The following MAPT variants were observed in gnomAD, a reference collection of about 807,000 sequenced individuals.
MAPT encodes microtubule-associated protein tau.
In MAPT, 34 loss-of-function variants were observed where a neutral mutation model predicts 67.9. The ratio of observed to expected loss-of-function variants is 0.50; its 90% confidence interval spans 0.38 to 0.67. The LOEUF is 0.67. MAPT is among the 30% of genes least tolerant of loss of function. MAPT has a pLI of 0.00. For missense variants in MAPT, 881 were observed against 1,115.2 expected (o/e 0.79, Z 2.99); for synonymous variants, 456 against 464.5 (o/e 0.98, Z 0.23).
rs951345021 is a variant in MAPT at position 45,956,867 on chromosome 17, G to A, written c.-17-5454G>A. On this transcript the variant is annotated intron_variant, in intron 1 of 12. Coordinates refer to ENST00000262410, the MANE Select transcript of MAPT (RefSeq NM_001377265.1). Reference sequence around the variant, plus strand: ...CTGTGTTTGGTTTTTTTGTCCTTGCGATAGTTTGCTGAGAATGATGGTTTC... The same window carrying A: ...CTGTGTTTGGTTTTTTTGTCCTTGCAATAGTTTGCTGAGAATGATGGTTTC... Among the ~76,000 whole-genome samples, 55 of 151,138 alleles carry A rather than the reference G, an allele frequency of 3.6e-4. 1 individual carries two copies. The highest frequency in any genetic ancestry group is 5.7e-4 in the Non-Finnish European group (39 of 67,852).
At position 45,906,448 on chromosome 17, in the gene MAPT, G is replaced by A. The variant is rs567329770; in HGVS notation, c.-18+11762G>A. 3.9e-4 allele frequency among the ~76,000 whole-genome samples: 59 copies of A among 152,302 alleles called. 1 individual carries two copies. The highest frequency in any genetic ancestry group is 3.7e-3 in the Admixed American group (56 of 15,296). On this transcript the variant is annotated intron_variant, in intron 1 of 12. Transcript: ENST00000262410. The surrounding 1 kb of genome is among the most constrained non-coding windows in gnomAD (Gnocchi z 4.3). ...TTAAAGCCAGGCATTGACTTGGATGGTGTAATATTCTGACATCTGTTTGGT... is the reference window on the plus strand; with the variant it reads ...TTAAAGCCAGGCATTGACTTGGATGATGTAATATTCTGACATCTGTTTGGT...
intron 1 of MAPT, among the ~76,000 whole-genome samples, chr17:45,899,558 C>A (rs551323477): frequency 2.0e-4 from 31 of 152,336 alleles, no homozygotes; most frequent in African/African-American, 7.2e-4. Flanking sequence ...GGTTGCCTGA[C>A]ACTAGTTCCC....
At chr17:45,992,079 C>T (rs1156915852) in intron 8 of MAPT, among the ~76,000 whole-genome samples, 3 of 152,146 alleles carry the variant, frequency 2.0e-5, no homozygotes, top group African/African-American at 4.8e-5. Context: ...AGCCACCACT[C>T]CCAGCCTGAA....
At chr17:45,936,414 T>C (rs374005674) in intron 1 of MAPT, among the ~76,000 whole-genome samples, 26 of 152,354 alleles carry the variant, frequency 1.7e-4, no homozygotes, top group African/African-American at 5.8e-4. Flanking sequence ...AGGACATACA[T>C]GCACATGCGT....
At chr17:45,934,230 C>G (rs1476376345) in intron 1 of MAPT, among the ~76,000 whole-genome samples, 1 of 152,072 alleles carries the variant, frequency 6.6e-6, no homozygotes, top group Non-Finnish European at 1.5e-5. Flanking sequence ...GTCTTAGCTA[C>G]TTGGGAGGCT....
chr17:45,999,873 C>A (rs1176493526), intron 9 of MAPT, among the ~76,000 whole-genome samples: 3 of 152,154 alleles, frequency 2.0e-5, no homozygotes, highest in Non-Finnish European at 4.4e-5. Flanking sequence ...TGAAACTAAA[C>A]CTCAGCCATA....
intron 1 of MAPT, among the ~76,000 whole-genome samples, chr17:45,914,823 C>G (rs1215347688): frequency 6.6e-6 from 1 of 151,514 alleles, no homozygotes; most frequent in African/African-American, 2.4e-5. Context: ...CAGGCTCAAG[C>G]AATCCTCCCA....
At position 46,011,737 on chromosome 17, in the gene MAPT, C is replaced by T. The variant is rs1359969489; in HGVS notation, c.2091+1335C>T. Among the ~76,000 whole-genome samples, 7 of 152,126 alleles carry T rather than the reference C, an allele frequency of 4.6e-5. No individual in the cohort carries two copies. The East Asian group carries it at 5.8e-4, about 13-fold the overall frequency. ...CAGTACCGGGACACTGCTGTGGCTCCGGGGTGGGCTGTCTCCAGAAAATGC... is the reference window on the plus strand; with the variant it reads ...CAGTACCGGGACACTGCTGTGGCTCTGGGGTGGGCTGTCTCCAGAAAATGC... On this transcript the variant is annotated intron_variant, in intron 10 of 12. Transcript: ENST00000262410.
chr17:45,983,860 A>T lies in MAPT; in HGVS notation c.1281A>T (p.Pro427=), dbSNP rs1369561928. The T allele has an allele frequency of 1.9e-6, 3 of 1,603,700 alleles. No individual in the cohort carries two copies. In the South Asian group the frequency reaches 3.3e-5, roughly 18 times the overall value. The change falls in exon 5 of 13, where the codon CCA becomes CCT. Residue 427 remains proline, a synonymous_variant. Coordinates refer to ENST00000262410, the MANE Select transcript of MAPT (RefSeq NM_001377265.1). ...AGGACACAAAAGAGGCTGACCTTCC[A>T]GAGCCCTCTGAAAAGCAGCCTGCTG... The part of the protein sequence containing the change: ...LGEDTKEADL[P]EPSEKQPAAA...
At chr17:45,956,574 ATATATATATATATATATATATATATAT>A (rs1240395581) in intron 1 of MAPT, among the ~76,000 whole-genome samples, 7 of 4,124 alleles carry the variant, frequency 1.7e-3, no homozygotes, top group African/African-American at 2.1e-3. Flanking sequence ...ATATATATAT[ATATATATATATATATATATATATATAT>A]TTTTTATTAT....
intron 9 of MAPT, among the ~76,000 whole-genome samples, chr17:46,007,468 C>CT (rs2075530192): frequency 6.6e-6 from 1 of 151,928 alleles, no homozygotes; most frequent in Admixed American, 6.6e-5. Context: ...GCCTGGGTGA[C>CT]AGAGTGAGAG....
intron 1 of MAPT, among the ~76,000 whole-genome samples, chr17:45,944,293 C>T (rs1443553035): frequency 6.6e-6 from 1 of 152,192 alleles, no homozygotes; most frequent in Non-Finnish European, 1.5e-5. Context: ...TCCGGGTTCC[C>T]TTTCCACCCA....
At chr17:45,900,100 A>C (rs897897926) in intron 1 of MAPT, among the ~76,000 whole-genome samples, 1 of 152,122 alleles carries the variant, frequency 6.6e-6, no homozygotes, top group Admixed American at 6.5e-5. Context: ...GTGTGGGTTG[A>C]GTTGGGTGGG....
At chr17:45,965,655 A>G (rs535178115) in intron 2 of MAPT, among the ~76,000 whole-genome samples, 1 of 151,910 alleles carries the variant, frequency 6.6e-6, no homozygotes, top group East Asian at 2.0e-4. Flanking sequence ...ACCTCAGGTA[A>G]TCCGCCCACC....
chr17:45,959,595 G>A (rs985370734), intron 1 of MAPT, among the ~76,000 whole-genome samples: 5 of 152,084 alleles, frequency 3.3e-5, no homozygotes, highest in Non-Finnish European at 7.4e-5. Context: ...ATCACCTGAG[G>A]TCTGGTGAAA....
Position 45,906,986 on chromosome 17 carries a change from A to G in MAPT, c.-18+12300A>G, listed in dbSNP as rs1044950136. Among the ~76,000 whole-genome samples, 1 of 152,154 alleles carries G rather than the reference A, an allele frequency of 6.6e-6. No homozygotes were observed. The highest frequency in any genetic ancestry group is 1.5e-5 in the Non-Finnish European group (1 of 68,014). ...CAATAATGAGTTGTTCCCTGTTTCA[A>G]TTCCAAAATTCATATCCAATCCGTT... is the stretch of plus-strand genomic sequence containing the variant. On this transcript the variant is annotated intron_variant, in intron 1 of 12. Coordinates refer to ENST00000262410, the MANE Select transcript of MAPT (RefSeq NM_001377265.1). This position sits in a 1 kb window ranked among gnomAD's most constrained non-coding sequence, Gnocchi z 4.3.
chr17:45,968,704 A>ATC (rs1441442454), intron 2 of MAPT, among the ~76,000 whole-genome samples: 10 of 152,216 alleles, frequency 6.6e-5, no homozygotes, highest in African/African-American at 2.2e-4. Context: ...CCATATCTGC[A>ATC]TCACCACCAT....
chr17:45,997,671 A>G (rs1330997467), intron 9 of MAPT, among the ~76,000 whole-genome samples: 1 of 152,162 alleles, frequency 6.6e-6, no homozygotes, highest in Non-Finnish European at 1.5e-5. Context: ...GAGGCAGGAG[A>G]ATCGCTTGAA....
chr17:45,983,598 T>TC lies in MAPT; in HGVS notation c.1024dup (p.Leu342ProfsTer84). The TC allele has an allele frequency of 6.2e-7, 1 of 1,613,012 alleles. No homozygotes were observed. The highest frequency in any genetic ancestry group is 8.5e-7 in the Non-Finnish European group (1 of 1,179,878). On this transcript the variant is annotated frameshift_variant, in exon 5 of 13. Coordinates refer to ENST00000262410, the MANE Select transcript of MAPT (RefSeq NM_001377265.1). LOFTEE classifies it high-confidence loss of function. ...CCAGGCTTCCCAGCGGAGGGTGCCATCCCCCTCCCTGTGGATTTCCTCTCC... is the reference window on the plus strand; with the variant it reads ...CCAGGCTTCCCAGCGGAGGGTGCCATCCCCCCTCCCTGTGGATTTCCTCTCC...
Sources: allele counts gnomAD v4.1 joint callset (sites outside exome capture counted in the v4.1 genomes callset), GRCh38; gene constraint gnomAD v4.1.1; non-coding constraint Gnocchi (gnomAD v3.1); transcripts MANE v1.5; gene names NCBI Gene and HGNC (gene_info 2026-07-23, HGNC 2026-07-21).